Variants in APP observed in about 807,000 individuals in gnomAD.
APP encodes the protein amyloid beta precursor protein, also known as amyloid-beta precursor protein.
Under a neutral mutation model 101.4 loss-of-function variants are expected in APP, and 31 were observed. The ratio of observed to expected loss-of-function variants is 0.31; its 90% confidence interval spans 0.23 to 0.41. The LOEUF (loss-of-function observed/expected upper bound fraction) is 0.41, where lower values mean the gene tolerates loss of function less well. APP is among the 10% of genes least tolerant of loss of function. The pLI is 1.00. For missense variants in APP, 839 were observed against 1,003.7 expected, an observed-to-expected ratio of 0.84 and a Z score of 2.22; for synonymous variants, 366 against 364.4, an observed-to-expected ratio of 1.00 and a Z score of -0.05.
At chr21:25,981,418 A>T (rs1224504371) in intron 9 of APP, among the ~76,000 whole-genome samples, 3 of 152,182 alleles carry the variant, frequency 2.0e-5, no homozygotes, top group Non-Finnish European at 4.4e-5. Context: ...TTTATGTCCT[A>T]CTTCTTTTCC....
rs1348134647 is a variant in APP at position 25,976,001 on chromosome 21, G to A, written c.1252C>T (p.Arg418Cys). 1.9e-6 allele frequency: 3 copies of A among 1,613,766 alleles called. No homozygotes were observed. The highest frequency in any genetic ancestry group is 1.7e-5 in the Admixed American group (1 of 60,014). The change falls in exon 10 of 18, where the codon CGT (arginine) becomes TGT (cysteine). Residue 418 changes from arginine (R) to cysteine (C), a missense_variant. By Grantham distance (180) the Arg-to-Cys change is radical (BLOSUM62 -3). Coordinates refer to ENST00000346798, the MANE Select transcript of APP (RefSeq NM_000484.4). The part of the protein sequence containing the change: ...QVMREWEEAE[R>C]QAKNLPKADK... ...GCTTTAGGCAAGTTCTTTGCTTGAC[G>A]TTCTGCCTCTTCCCATTCTCTCATG... is the stretch of plus-strand genomic sequence containing the variant.
intron 14 of APP, among the ~76,000 whole-genome samples, chr21:25,910,332 A>G (rs533970311): frequency 4.4e-4 from 67 of 152,020 alleles, no homozygotes; most frequent in African/African-American, 1.5e-3. Flanking sequence ...GGGTTTCACC[A>G]TGTTAGCCAG....
chr21:26,069,510 C>T (rs921725095), intron 3 of APP, among the ~76,000 whole-genome samples: 11 of 152,174 alleles, frequency 7.2e-5, no homozygotes, highest in African/African-American at 2.2e-4. Flanking sequence ...GTCTAGGACC[C>T]TCAGCACACA....
intron 5 of APP, among the ~76,000 whole-genome samples, chr21:26,039,426 G>A (rs1046638403): frequency 1.3e-5 from 2 of 152,194 alleles, no homozygotes; most frequent in Non-Finnish European, 1.5e-5. Context: ...TATATGCTAC[G>A]CTTACAATAG....
intron 17 of APP, among the ~76,000 whole-genome samples, chr21:25,886,796 C>T (rs940788848): frequency 5.3e-5 from 8 of 152,092 alleles, no homozygotes; most frequent in Non-Finnish European, 8.8e-5. Context: ...TTTTCCTTAT[C>T]GTGGCTTTCC....
In APP at chr21:25,881,764, G is replaced by A; in HGVS notation, c.2219C>T (p.Ala740Val). The change falls in exon 18 of 18, where the codon GCC (alanine) becomes GTC (valine). Residue 740 changes from alanine (A) to valine (V), a missense_variant. Physicochemically the swap from Ala to Val is moderately conservative, Grantham distance 64. Transcript: ENST00000346798. ...SIHHGVVEVDAAVTPEERHLS... is the reference protein window; with the variant it reads ...SIHHGVVEVDVAVTPEERHLS... The stretch of plus-strand genomic sequence containing the variant: ...GTGGCGCTCCTCTGGGGTGACAGCG[G>A]CGTCAACCTGAAAAACAAGAGGAGA... The A allele has an allele frequency of 6.2e-7, 1 of 1,613,498 alleles. No homozygotes were observed. The highest frequency in any genetic ancestry group is 1.1e-5 in the South Asian group (1 of 91,046).
chr21:26,059,951 A>T (rs1037974526), intron 3 of APP, among the ~76,000 whole-genome samples: 1 of 150,372 alleles, frequency 6.7e-6, no homozygotes, highest in Non-Finnish European at 1.5e-5. Context: ...AGACTATGTA[A>T]CAGTCCAGGT....
At chr21:26,002,086 G>T (rs986699776) in intron 6 of APP, among the ~76,000 whole-genome samples, 1 of 152,238 alleles carries the variant, frequency 6.6e-6, no homozygotes, top group Non-Finnish European at 1.5e-5. Context: ...GACTTTGAAA[G>T]CAGCAGTACT....
chr21:25,892,629 A>G (rs1428808952), intron 16 of APP, among the ~76,000 whole-genome samples: 2 of 152,212 alleles, frequency 1.3e-5, no homozygotes, highest in African/African-American at 4.8e-5. Context: ...CAAAATCTGA[A>G]ATGTTGCTTT....
intron 1 of APP, among the ~76,000 whole-genome samples, chr21:26,133,337 C>T (rs1382949484): frequency 2.0e-5 from 3 of 152,166 alleles, no homozygotes; most frequent in Non-Finnish European, 4.4e-5. Context: ...AACACACTTG[C>T]CAATATCCTC....
intron 1 of APP, among the ~76,000 whole-genome samples, chr21:26,163,673 A>C (rs565084138): frequency 1.9e-4 from 29 of 152,274 alleles, no homozygotes; most frequent in African/African-American, 7.0e-4. Flanking sequence ...GTTGGACAGG[A>C]CAATTATAAT....
At chr21:26,017,759 G>A (rs761431034) in intron 6 of APP, among the ~76,000 whole-genome samples, 5 of 152,208 alleles carry the variant, frequency 3.3e-5, no homozygotes, top group Non-Finnish European at 7.3e-5. Context: ...TCTGGTTTCT[G>A]AAGTACAATC....
At chr21:25,975,348 G>A in intron 10 of APP, 120 bp from the exon 11 acceptor site, 1 of 1,301,260 alleles carries the variant, frequency 7.7e-7, no homozygotes, top group South Asian at 1.2e-5. Context: ...GTATCCTAAA[G>A]ACTGCATAGT....
intron 13 of APP, among the ~76,000 whole-genome samples, chr21:25,940,148 G>A (rs1462134487): frequency 6.6e-6 from 1 of 152,132 alleles, no homozygotes; most frequent in Non-Finnish European, 1.5e-5. Context: ...CCAAATGAGA[G>A]AGAGAAAAGA....
intron 14 of APP, among the ~76,000 whole-genome samples, chr21:25,910,210 G>C (rs2409155): frequency 1 from 152,247 of 152,248 alleles, 76,123 homozygotes; most frequent in Middle Eastern, 1. Flanking sequence ...CACTGGCCAC[G>C]TCCGCCTCCC....
chr21:26,109,567 T>C (rs931477755), intron 2 of APP, among the ~76,000 whole-genome samples: 1 of 152,198 alleles, frequency 6.6e-6, no homozygotes, highest in African/African-American at 2.4e-5. Flanking sequence ...CTTTATAAAT[T>C]ACCCAGTCTC....
At chr21:26,062,912 G>A (rs371557592) in intron 3 of APP, among the ~76,000 whole-genome samples, 7 of 152,098 alleles carry the variant, frequency 4.6e-5, no homozygotes, top group Admixed American at 1.3e-4. Flanking sequence ...ACAGGCACAT[G>A]CTACCATGAC....
chr21:26,133,289 G>A (rs1045403967), intron 1 of APP, among the ~76,000 whole-genome samples: 1 of 152,182 alleles, frequency 6.6e-6, no homozygotes, highest in Non-Finnish European at 1.5e-5. Context: ...GGCAGCCTAC[G>A]TAAGGAACCT....
chr21:26,045,633 G>A (rs1004268790), intron 5 of APP, among the ~76,000 whole-genome samples: 1 of 152,142 alleles, frequency 6.6e-6, no homozygotes, highest in African/African-American at 2.4e-5. Flanking sequence ...ACGGCCCACT[G>A]TATCTAGATA....
Sources: allele counts gnomAD v4.1 joint callset (sites outside exome capture counted in the v4.1 genomes callset), GRCh38; gene constraint gnomAD v4.1.1; transcripts MANE v1.5; gene names NCBI Gene and HGNC (gene_info 2026-07-23, HGNC 2026-07-21).